The following AGO3 variants were observed in gnomAD, a reference collection of about 807,000 sequenced individuals.
The protein encoded by AGO3 is protein argonaute-3.
AGO3 carries 16 observed loss-of-function variants against 105.5 expected under a neutral mutation model. The observed-to-expected ratio is 0.15, with a 90% confidence interval of 0.10 to 0.23. AGO3 has a LOEUF of 0.23. Ranked by LOEUF, AGO3 falls within the 10% of genes least tolerant of loss-of-function variation. The pLI, the probability that AGO3 is intolerant of heterozygous loss-of-function variation, is 1.00. For missense variants in AGO3, 534 were observed against 1,088.0 expected, an observed-to-expected ratio of 0.49 and a Z score of 7.16; for synonymous variants, 340 against 367.3, an observed-to-expected ratio of 0.93 and a Z score of 0.85.
At chr1:35,945,590 G>C in intron 1 of AGO3, 102 bp from the exon 2 acceptor site, 1 of 1,155,180 alleles carries the variant, frequency 8.7e-7, no homozygotes, top group Non-Finnish European at 1.2e-6. Context: ...CTAGGTTTTA[G>C]CCATTATCAG....
chr1:36,010,757 T>C (rs1055815455), intron 9 of AGO3, among the ~76,000 whole-genome samples: 2 of 151,524 alleles, frequency 1.3e-5, no homozygotes, highest in Admixed American at 6.6e-5. Flanking sequence ...AAATACAAAA[T>C]TAGCCAGGCA....
intron 11 of AGO3, among the ~76,000 whole-genome samples, chr1:36,021,877 CCT>C (rs1641244264): frequency 6.6e-6 from 1 of 151,944 alleles, no homozygotes; most frequent in African/African-American, 2.4e-5. Flanking sequence ...CTCCTTCTTT[CCT>C]CTCTCTTTTT....
chr1:36,002,322 TA>T (rs1640124085), intron 5 of AGO3, among the ~76,000 whole-genome samples: 1 of 134,124 alleles, frequency 7.5e-6, no homozygotes, highest in African/African-American at 3.1e-5. Flanking sequence ...CCAGCCAAGA[TA>T]ATTTTTTTTT....
rs1011525554 is a variant in AGO3 at position 36,061,749 on chromosome 1, G to A, written c.*6004G>A. ...TTAAATTTTTTAATCATTTTTTAAAGCAAGGCGGTTCTTAGAAAGTGCCTT... is the reference window on the plus strand; with the variant it reads ...TTAAATTTTTTAATCATTTTTTAAAACAAGGCGGTTCTTAGAAAGTGCCTT... On this transcript the variant is annotated 3_prime_UTR_variant, in exon 19 of 19. Transcript: ENST00000373191. 1 of 152,160 alleles carries A rather than the reference G, an allele frequency of 6.6e-6. No homozygotes were observed. The highest frequency in any genetic ancestry group is 2.4e-5 in the African/African-American group (1 of 41,438). 9.4% of individuals were successfully genotyped at this position (152,160 alleles called of 1,614,324 possible).
intron 11 of AGO3, among the ~76,000 whole-genome samples, 168 bp from the exon 12 acceptor site, chr1:36,026,946 A>C (rs961716289): frequency 5.3e-5 from 8 of 152,240 alleles, no homozygotes; most frequent in African/African-American, 1.9e-4. Flanking sequence ...TGCAAAATGG[A>C]TTACTGACAG....
intron 2 of AGO3, among the ~76,000 whole-genome samples, chr1:35,957,314 C>T (rs1646585969): frequency 1.3e-5 from 2 of 151,916 alleles, no homozygotes; most frequent in Admixed American, 6.5e-5. Flanking sequence ...TGAGATCATA[C>T]CACTGCACTC....
chr1:36,040,651 TCTA>T (rs1642205086), intron 16 of AGO3, among the ~76,000 whole-genome samples: 1 of 152,232 alleles, frequency 6.6e-6, no homozygotes, highest in South Asian at 2.1e-4. Flanking sequence ...AAAATCTCAT[TCTA>T]CTTTTTTGTT....
intron 1 of AGO3, among the ~76,000 whole-genome samples, chr1:35,936,342 G>GGTTTTAATAAAAATAAAATGTGGTT (rs1646145695): frequency 6.6e-6 from 1 of 152,028 alleles, no homozygotes; most frequent in African/African-American, 2.4e-5. Flanking sequence ...TGGGCATTTT[G>GGTTTTAATAAAAATAAAATGTGGTT]TGGTTTGGTT....
At chr1:35,930,947 G>A (rs1336359653), upstream of AGO3, 2 of 304,066 alleles carry the variant, frequency 6.6e-6, no homozygotes, top group Non-Finnish European at 1.2e-5. Context: ...CCCGCCGCAT[G>A]TGGCCCGGCT....
intron 16 of AGO3, among the ~76,000 whole-genome samples, chr1:36,042,908 C>A (rs964753285): frequency 1.1e-4 from 17 of 152,150 alleles, no homozygotes; most frequent in African/African-American, 4.1e-4. Context: ...TATTCCTGAG[C>A]CTTTATTTCC....
At chr1:35,932,451 A>G (rs1646069350) in intron 1 of AGO3, among the ~76,000 whole-genome samples, 2 of 152,202 alleles carry the variant, frequency 1.3e-5, no homozygotes, top group Admixed American at 6.5e-5. Context: ...CGTAAAAGAA[A>G]CCAGTGACAT....
Position 36,041,403 on chromosome 1 carries a change from G to A in AGO3, c.2172+962G>A, listed in dbSNP as rs1366207482. 5.9e-5 allele frequency among the ~76,000 whole-genome samples: 9 copies of A among 151,622 alleles called. No individual in the cohort carries two copies. In the East Asian group the frequency reaches 1.2e-3, roughly 20 times the overall value. On this transcript the variant is annotated intron_variant, in intron 16 of 18. Coordinates refer to ENST00000373191, the MANE Select transcript of AGO3 (RefSeq NM_024852.4). ...ACTACAGGCGCCTGCCACCATGCCC[G>A]GCTAATTTTTTGTATTTTTAGTAGA...
In AGO3 at chr1:36,027,648, G is replaced by A. The variant is rs1641563849; in HGVS notation, c.1591+350G>A. On this transcript the variant is annotated intron_variant, in intron 12 of 18. Coordinates refer to ENST00000373191, the MANE Select transcript of AGO3 (RefSeq NM_024852.4). The surrounding 1 kb of genome is among the most constrained non-coding windows in gnomAD (Gnocchi z 4.0). ...CAAAAAATTAGCTGGGCGTGGTGGT[G>A]GGCGCCTGTGGTCCCAGCCACTCAG... Among the ~76,000 whole-genome samples, 1 of 151,996 alleles carries A rather than the reference G, an allele frequency of 6.6e-6. No homozygotes were observed. Among genetic ancestry groups the A allele is most frequent in the African/African-American group, 2.4e-5 (1 of 41,400 alleles).
intron 6 of AGO3, among the ~76,000 whole-genome samples, chr1:36,006,597 CTT>C (rs1454712574): frequency 6.6e-6 from 1 of 152,024 alleles, no homozygotes; most frequent in Non-Finnish European, 1.5e-5. Context: ...ATTTTTACGT[CTT>C]GTTTCTTCAT....
intron 11 of AGO3, among the ~76,000 whole-genome samples, chr1:36,024,329 A>T (rs562390160): frequency 7.9e-5 from 12 of 151,732 alleles, no homozygotes; most frequent in African/African-American, 2.7e-4. Context: ...TATAGATAGG[A>T]TCTCACTATG....
chr1:35,936,118 A>C (rs1174163673), intron 1 of AGO3, among the ~76,000 whole-genome samples: 1 of 152,192 alleles, frequency 6.6e-6, no homozygotes, highest in Non-Finnish European at 1.5e-5. Flanking sequence ...AGATGTGAGA[A>C]AGAATATTGT....
intron 12 of AGO3, among the ~76,000 whole-genome samples, chr1:36,032,025 A>G (rs1028384599): frequency 6.6e-6 from 1 of 152,118 alleles, no homozygotes; most frequent in Non-Finnish European, 1.5e-5. Context: ...AGGTGTACAA[A>G]TATCTCTTCA....
chr1:35,990,974 T>C (rs1036708019), intron 5 of AGO3, among the ~76,000 whole-genome samples: 1 of 152,142 alleles, frequency 6.6e-6, no homozygotes, highest in African/African-American at 2.4e-5. Flanking sequence ...GATATCTGGA[T>C]CAGGCTTACC....
chr1:35,970,067 G>T (rs558163519), intron 3 of AGO3, among the ~76,000 whole-genome samples: 84 of 152,230 alleles, frequency 5.5e-4, no homozygotes, highest in African/African-American at 1.9e-3. Flanking sequence ...TTTATTTTAT[G>T]TTTTCTCTGC....
Sources: allele counts gnomAD v4.1 joint callset (sites outside exome capture counted in the v4.1 genomes callset), GRCh38; gene constraint gnomAD v4.1.1; non-coding constraint Gnocchi (gnomAD v3.1); transcripts MANE v1.5; gene names NCBI Gene and HGNC (gene_info 2026-07-23, HGNC 2026-07-21).